Variants in ADGRV1 observed in about 807,000 individuals in gnomAD.
ADGRV1 encodes the protein adhesion G protein-coupled receptor V1.
ADGRV1 carries 359 observed loss-of-function variants against 596.2 expected under a neutral mutation model. That is an observed-to-expected ratio of 0.60 (90% confidence interval 0.55 to 0.66). The LOEUF (loss-of-function observed/expected upper bound fraction) is 0.66, where lower values mean the gene tolerates loss of function less well. Ranked by LOEUF, ADGRV1 falls within the 30% of genes least tolerant of loss-of-function variation. The pLI is 0.00. For missense variants in ADGRV1, 7,274 were observed against 7,575.6 expected (o/e 0.96, Z 1.48); for synonymous variants, 2,681 against 2,679.2 (o/e 1.00, Z -0.02).
intron 65 of ADGRV1, among the ~76,000 whole-genome samples, chr5:90,782,301 G>A (rs1292937599): frequency 6.6e-6 from 1 of 152,046 alleles, no homozygotes; most frequent in Non-Finnish European, 1.5e-5. Context: ...TTATGGGTAA[G>A]TTGTGGAATA....
At chr5:90,590,280 T>C (rs1051304066) in intron 1 of ADGRV1, among the ~76,000 whole-genome samples, 1 of 152,224 alleles carries the variant, frequency 6.6e-6, no homozygotes, top group African/African-American at 2.4e-5. Context: ...TTAGCTGGGC[T>C]CTTCTTCCTT....
chr5:90,769,526 AT>A (rs2150043343), intron 59 of ADGRV1, among the ~76,000 whole-genome samples: 1 of 152,314 alleles, frequency 6.6e-6, no homozygotes, highest in South Asian at 2.1e-4. Context: ...CATGATGCAT[AT>A]CATTTTTATC....
chr5:90,750,064 C>CATGAA (rs1755072481), intron 52 of ADGRV1, among the ~76,000 whole-genome samples: 1 of 152,112 alleles, frequency 6.6e-6, no homozygotes, highest in Non-Finnish European at 1.5e-5. Context: ...CATCGTTGTG[C>CATGAA]ATGGATGGGA....
At chr5:90,618,026 A>G in intron 3 of ADGRV1, 73 bp downstream of exon 3, 7 of 1,188,224 alleles carry the variant, frequency 5.9e-6, no homozygotes, top group Non-Finnish European at 8.1e-6. Flanking sequence ...TTTAGTGCTT[A>G]ACAATCTATC....
intron 34 of ADGRV1, among the ~76,000 whole-genome samples, chr5:90,702,740 C>G (rs2149681258): frequency 6.6e-6 from 1 of 152,054 alleles, no homozygotes; most frequent in East Asian, 1.9e-4. Context: ...CTAAAAGTGA[C>G]ATTTTTAGTG....
chr5:91,013,658 G>A (rs1347348351), intron 85 of ADGRV1, among the ~76,000 whole-genome samples: 1 of 151,962 alleles, frequency 6.6e-6, no homozygotes, highest in Non-Finnish European at 1.5e-5. Context: ...TCTATAGGTT[G>A]TCTGTTTTCT....
rs1270607779 is a variant in ADGRV1, at chr5:91,107,416, C to T, written c.18432+5076C>T. Among the ~76,000 whole-genome samples the T allele has an allele frequency of 3.5e-5, 5 of 142,104 alleles. No individual in the cohort carries two copies. The East Asian group carries it at 1.1e-3, about 30-fold the overall frequency. 93.2% of individuals were successfully genotyped at this position (142,104 alleles called of 152,430 possible). On this transcript the variant is annotated intron_variant, in intron 87 of 89. Transcript: ENST00000405460. ...CTCTGAGGGAGGAGTAGGAATGTTT[C>T]GTTTTGTTTTGTTTTTGTTTTTGTT...
At chr5:90,980,702 G>A (rs1171327487) in intron 84 of ADGRV1, among the ~76,000 whole-genome samples, 3 of 152,106 alleles carry the variant, frequency 2.0e-5, no homozygotes, top group Non-Finnish European at 2.9e-5. Flanking sequence ...TTAGGTGAGC[G>A]ACACCCTTTG....
At chr5:91,028,023 C>CT (rs35519785) in intron 85 of ADGRV1, among the ~76,000 whole-genome samples, 30 of 136,974 alleles carry the variant, frequency 2.2e-4, no homozygotes, top group East Asian at 9.8e-4. Context: ...TGAGATCCAG[C>CT]TTTTTTTTTC....
At chr5:90,962,180 A>T (rs1019418560) in intron 83 of ADGRV1, among the ~76,000 whole-genome samples, 2 of 152,246 alleles carry the variant, frequency 1.3e-5, no homozygotes, top group African/African-American at 4.8e-5. Flanking sequence ...AAACAATAAT[A>T]GTTTCACATC....
At chr5:90,634,792 T>C (rs1166965831) in intron 9 of ADGRV1, among the ~76,000 whole-genome samples, 1 of 147,866 alleles carries the variant, frequency 6.8e-6, no homozygotes, top group East Asian at 2.2e-4. Context: ...GTGACATTTA[T>C]ATGATGTCTG....
At chr5:91,014,174 A>C (rs956802337) in intron 85 of ADGRV1, among the ~76,000 whole-genome samples, 22 of 150,114 alleles carry the variant, frequency 1.5e-4, no homozygotes, top group South Asian at 8.5e-4. Flanking sequence ...ACACACACAC[A>C]CCCCTAGACA....
At chr5:90,629,682 G>C (rs1414745168) in intron 9 of ADGRV1, 143 bp downstream of exon 9, 2 of 615,930 alleles carry the variant, frequency 3.2e-6, no homozygotes, top group African/African-American at 3.7e-5. Context: ...TAGGTAGTCG[G>C]AAGAGAGATT....
intron 82 of ADGRV1, among the ~76,000 whole-genome samples, chr5:90,861,238 A>C (rs1767520569): frequency 1.3e-5 from 2 of 152,276 alleles, no homozygotes; most frequent in South Asian, 4.1e-4. Flanking sequence ...AACTGTTCAG[A>C]GTATACCTTT....
chr5:90,679,551 G>A lies in ADGRV1; in HGVS notation c.5446G>A (p.Ala1816Thr), dbSNP rs773609377. ...VELLNLEGGV[A>T]ELFRVDGSGS... Reference sequence around the variant, plus strand: ...TGTCTCTGTGTCTCCTTGTGAAGTAGCTGAACTCTTTAGGGTTGATGGAAG... The same window carrying A: ...TGTCTCTGTGTCTCCTTGTGAAGTAACTGAACTCTTTAGGGTTGATGGAAG... The change falls in exon 26 of 90, where the codon GCT becomes ACT. Residue 1816 changes from alanine (A) to threonine (T), a missense_variant and splice_region_variant. Physicochemically the swap from Ala to Thr is moderately conservative, Grantham distance 58. Transcript: ENST00000405460. The A allele has an allele frequency of 4.3e-6, 7 of 1,612,162 alleles. No homozygotes were observed. The East Asian group carries it at 1.3e-4, about 31-fold the overall frequency.
At chr5:90,576,096 C>T (rs1580322005) in intron 1 of ADGRV1, among the ~76,000 whole-genome samples, 1 of 152,018 alleles carries the variant, frequency 6.6e-6, no homozygotes, top group South Asian at 2.1e-4. Flanking sequence ...GCTTCCAGTC[C>T]TCTGCTTAAG....
intron 11 of ADGRV1, among the ~76,000 whole-genome samples, chr5:90,641,313 G>A (rs1271902574): frequency 6.6e-6 from 1 of 152,050 alleles, no homozygotes; most frequent in East Asian, 1.9e-4. Flanking sequence ...GAGCATCTAA[G>A]CAATTTATTG....
rs1019827793 is a variant in ADGRV1, at chr5:90,646,815, C to A, written c.3023-683C>A. ...TTTGAGATGGAATATTGCCCTGTCA[C>A]CAGGCTGGAGTGCAGCGGCGTGATC... is the stretch of plus-strand genomic sequence containing the variant. On this transcript the variant is annotated intron_variant, in intron 16 of 89. Coordinates refer to ENST00000405460, the MANE Select transcript of ADGRV1 (RefSeq NM_032119.4). 4.0e-5 allele frequency among the ~76,000 whole-genome samples: 6 copies of A among 148,846 alleles called. No homozygotes were observed. The South Asian group carries it at 8.5e-4, about 21-fold the overall frequency.
In ADGRV1 at chr5:90,778,942, G is replaced by A. The variant is rs35092519; in HGVS notation, c.12927G>A (p.Ala4309=). ...RLWYKTMSGT[A]EAGLDFVPAA... Reference sequence around the variant, plus strand: ...GGTACAAGACGATGAGCGGGACAGCGGAAGCAGGCTTGGATTTTGTTCCTG... The same window carrying A: ...GGTACAAGACGATGAGCGGGACAGCAGAAGCAGGCTTGGATTTTGTTCCTG... The change falls in exon 64 of 90, where the codon GCG becomes GCA. Residue 4309 remains alanine (A), a synonymous_variant. Transcript: ENST00000405460. The A allele has an allele frequency of 0.025, 40,273 of 1,613,416 alleles. 690 individuals carry two copies. The highest frequency in any genetic ancestry group is 0.066 in the African/African-American group (4,916 of 74,972).
Sources: gnomAD v4.1 joint callset for allele counts (sites outside exome capture counted in the v4.1 genomes callset) on GRCh38, gnomAD v4.1.1 for gene constraint, MANE v1.5 for transcripts, NCBI Gene and HGNC (gene_info 2026-07-23, HGNC 2026-07-21) for gene names.